The following NKAIN2 variants were observed in gnomAD, a reference collection of about 807,000 sequenced individuals.
The protein encoded by NKAIN2 is sodium/potassium-transporting ATPase subunit beta-1-interacting protein 2.
A neutral mutation model predicts 32.6 loss-of-function variants in NKAIN2; 14 were observed. The observed-to-expected ratio is 0.43, with a 90% confidence interval of 0.28 to 0.67. The LOEUF is 0.67. Ranked by LOEUF, NKAIN2 falls within the 30% of genes least tolerant of loss-of-function variation. The pLI, the probability that NKAIN2 is intolerant of heterozygous loss-of-function variation, is 0.17. For synonymous variants in NKAIN2, 80 were observed against 87.2 expected (o/e 0.92, Z 0.46); for missense variants, 198 against 258.3 (o/e 0.77, Z 1.60).
intron 1 of NKAIN2, among the ~76,000 whole-genome samples, chr6:124,041,763 T>C (rs984982548): frequency 6.6e-5 from 10 of 152,108 alleles, no homozygotes; most frequent in Non-Finnish European, 1.5e-4. Context: ...TTTCATAATA[T>C]TGTAAATTGG....
At chr6:123,824,921 T>G (rs1358294849) in intron 1 of NKAIN2, among the ~76,000 whole-genome samples, 2 of 152,090 alleles carry the variant, frequency 1.3e-5, no homozygotes, top group African/African-American at 4.8e-5. Context: ...GTACATGATG[T>G]GCTTTTTGAA....
At chr6:124,012,974 C>G (rs1323499590) in intron 1 of NKAIN2, among the ~76,000 whole-genome samples, 1 of 152,116 alleles carries the variant, frequency 6.6e-6, no homozygotes, top group African/African-American at 2.4e-5. Context: ...TTCCAAATAT[C>G]CTACCTCCCC....
intron 3 of NKAIN2, among the ~76,000 whole-genome samples, chr6:124,469,282 T>C (rs941569712): frequency 2.0e-5 from 3 of 152,212 alleles, no homozygotes; most frequent in African/African-American, 7.2e-5. Context: ...AGTTATAACA[T>C]TGTGGCAATA....
At chr6:124,558,829 A>G (rs1312012250) in intron 3 of NKAIN2, among the ~76,000 whole-genome samples, 3 of 152,114 alleles carry the variant, frequency 2.0e-5, no homozygotes, top group Non-Finnish European at 2.9e-5. Flanking sequence ...TGTGCCTGTA[A>G]TCCCAGCTAC....
chr6:124,725,875 C>T (rs1013012537), intron 4 of NKAIN2, among the ~76,000 whole-genome samples: 6 of 152,178 alleles, frequency 3.9e-5, no homozygotes, highest in Non-Finnish European at 7.3e-5. Flanking sequence ...CAAAGCAGGG[C>T]GAGGCATTGC....
At chr6:124,699,677 C>A (rs1022107414) in intron 4 of NKAIN2, among the ~76,000 whole-genome samples, 1 of 152,138 alleles carries the variant, frequency 6.6e-6, no homozygotes, top group East Asian at 1.9e-4. Flanking sequence ...CTTTGCCTTC[C>A]AACATGATTA....
chr6:124,674,328 T>C (rs1411144100), intron 4 of NKAIN2, among the ~76,000 whole-genome samples: 1 of 151,986 alleles, frequency 6.6e-6, no homozygotes, highest in Non-Finnish European at 1.5e-5. Context: ...TTCTCAAGAT[T>C]GTTTGGGCTG....
At chr6:123,834,327 G>A (rs1253746332) in intron 1 of NKAIN2, among the ~76,000 whole-genome samples, 1 of 151,740 alleles carries the variant, frequency 6.6e-6, no homozygotes, top group Non-Finnish European at 1.5e-5. Context: ...GTTAATTTTT[G>A]TATTTTTAGT....
chr6:124,345,233 G>A (rs535289788), intron 2 of NKAIN2, among the ~76,000 whole-genome samples: 12 of 152,080 alleles, frequency 7.9e-5, no homozygotes, highest in Non-Finnish European at 1.8e-4. Context: ...GATTCAGTTT[G>A]CCAGTATTTT....
intron 1 of NKAIN2, among the ~76,000 whole-genome samples, chr6:124,229,064 G>T (rs1031737820): frequency 2.0e-5 from 3 of 152,114 alleles, no homozygotes; most frequent in Non-Finnish European, 2.9e-5. Context: ...TAGATACAAA[G>T]TTAGGAAAAG....
intron 3 of NKAIN2, among the ~76,000 whole-genome samples, chr6:124,599,006 G>C (rs1057036323): frequency 6.9e-6 from 1 of 144,864 alleles, no homozygotes. Flanking sequence ...AAGGTAATGA[G>C]GTACACAAAT....
intron 1 of NKAIN2, among the ~76,000 whole-genome samples, chr6:124,240,089 A>G (rs1383843224): frequency 1.3e-5 from 2 of 152,092 alleles, no homozygotes; most frequent in East Asian, 3.9e-4. Context: ...TAGAAATACA[A>G]ACTACCATCA....
intron 2 of NKAIN2, among the ~76,000 whole-genome samples, chr6:124,346,048 G>T (rs141809418): frequency 0.01 from 1,532 of 151,914 alleles, 33 homozygotes; most frequent in African/African-American, 0.035. Flanking sequence ...TGTTCTCGTT[G>T]GTTTCAAAGA....
At chr6:124,353,577 A>G (rs1228018688) in intron 2 of NKAIN2, among the ~76,000 whole-genome samples, 3 of 152,068 alleles carry the variant, frequency 2.0e-5, no homozygotes, top group Non-Finnish European at 4.4e-5. Context: ...ACACGGTGAA[A>G]CCCCGTCTCT....
At chr6:124,558,229 G>A (rs1780551134) in intron 3 of NKAIN2, among the ~76,000 whole-genome samples, 1 of 152,168 alleles carries the variant, frequency 6.6e-6, no homozygotes, top group Admixed American at 6.5e-5. Context: ...TCTCCTTCAT[G>A]ATTTATGTGT....
intron 1 of NKAIN2, among the ~76,000 whole-genome samples, chr6:123,915,343 A>G (rs1471493396): frequency 6.6e-6 from 1 of 152,116 alleles, no homozygotes; most frequent in Non-Finnish European, 1.5e-5. Context: ...CTTGATTGCC[A>G]TCTTGATAGG....
intron 4 of NKAIN2, among the ~76,000 whole-genome samples, chr6:124,662,964 G>C (rs946708040): frequency 6.6e-6 from 1 of 152,268 alleles, no homozygotes; most frequent in Non-Finnish European, 1.5e-5. Flanking sequence ...AGTGGGAAGT[G>C]ATATGAGCTG....
At chr6:124,345,611 T>G (rs1003667127) in intron 2 of NKAIN2, among the ~76,000 whole-genome samples, 136 of 151,982 alleles carry the variant, frequency 8.9e-4, no homozygotes, top group African/African-American at 3.2e-3. Flanking sequence ...GATTTTCTAG[T>G]TTATTTGCGT....
At chr6:123,980,247 A>G (rs1027476776) in intron 1 of NKAIN2, among the ~76,000 whole-genome samples, 8 of 152,206 alleles carry the variant, frequency 5.3e-5, no homozygotes, top group African/African-American at 1.7e-4. Flanking sequence ...TTTTCTAAGC[A>G]TCTCCTGAAA....
Sources: gnomAD v4.1 joint callset for allele counts (sites outside exome capture counted in the v4.1 genomes callset) on GRCh38, gnomAD v4.1.1 for gene constraint, MANE v1.5 for transcripts, NCBI Gene and HGNC (gene_info 2026-07-23, HGNC 2026-07-21) for gene names.